OXR1: variants seen among roughly 807,000 people sequenced by gnomAD.
OXR1 encodes the protein oxidation resistance 1, also known as oxidation resistance protein 1.
A neutral mutation model predicts 104.6 loss-of-function variants in OXR1; 41 were observed. The ratio of observed to expected loss-of-function variants is 0.39; its 90% CI spans 0.31 to 0.51. The LOEUF (loss-of-function observed/expected upper bound fraction) is 0.51. Ranked by LOEUF, OXR1 falls within the 20% of genes least tolerant of loss-of-function variation. The pLI, the probability that OXR1 is intolerant of heterozygous loss-of-function variation, is 0.77. For missense variants in OXR1, 955 were observed against 1,031.9 expected, an observed-to-expected ratio of 0.93 and a Z score of 1.02; for synonymous variants, 348 against 348.4, an observed-to-expected ratio of 1.00 and a Z score of 0.01.
At chr8:106,491,970 C>T (rs1249365965) in intron 2 of OXR1, among the ~76,000 whole-genome samples, 3 of 152,260 alleles carry the variant, frequency 2.0e-5, no homozygotes, top group Admixed American at 1.3e-4. Flanking sequence ...TTTTATTGGA[C>T]ACACCAGAGG....
intron 2 of OXR1, among the ~76,000 whole-genome samples, chr8:106,437,588 G>C (rs76089251): frequency 6.6e-6 from 1 of 152,194 alleles, no homozygotes; most frequent in Non-Finnish European, 1.5e-5. Context: ...GTAAACAATG[G>C]AAAGAGGACA....
chr8:106,560,935 G>A (rs1445842205), intron 3 of OXR1, among the ~76,000 whole-genome samples: 1 of 152,174 alleles, frequency 6.6e-6, no homozygotes, highest in Non-Finnish European at 1.5e-5. Context: ...CTAGCCAAGG[G>A]AAGCTGTGAG....
intron 2 of OXR1, among the ~76,000 whole-genome samples, chr8:106,488,819 T>C (rs1810876840): frequency 1.3e-5 from 2 of 150,260 alleles, no homozygotes; most frequent in African/African-American, 2.5e-5. Flanking sequence ...CTGTTTTGGT[T>C]ACTGTAGCCT....
At chr8:106,460,101 G>C (rs1820821003) in intron 2 of OXR1, among the ~76,000 whole-genome samples, 1 of 152,156 alleles carries the variant, frequency 6.6e-6, no homozygotes, top group African/African-American at 2.4e-5. Flanking sequence ...TGACAAGGCA[G>C]GGATGGTCCT....
intron 2 of OXR1, among the ~76,000 whole-genome samples, chr8:106,452,651 T>G (rs544091722): frequency 6.6e-6 from 1 of 152,168 alleles, no homozygotes; most frequent in Non-Finnish European, 1.5e-5. Flanking sequence ...ACCAATTTAC[T>G]GTTCCTGGAA....
At chr8:106,429,766 T>C (rs1294412968) in intron 2 of OXR1, among the ~76,000 whole-genome samples, 1 of 152,166 alleles carries the variant, frequency 6.6e-6, no homozygotes, top group African/African-American at 2.4e-5. Context: ...TGTTATTTTT[T>C]TTTTCCTCTT....
At chr8:106,323,899 TA>T (rs1282624333) in intron 1 of OXR1, among the ~76,000 whole-genome samples, 3 of 152,156 alleles carry the variant, frequency 2.0e-5, no homozygotes, top group Non-Finnish European at 4.4e-5. Context: ...GGAACACTTA[TA>T]CACTGTTGGT....
intron 3 of OXR1, among the ~76,000 whole-genome samples, chr8:106,535,995 C>T (rs560574338): frequency 2.3e-4 from 35 of 152,062 alleles, no homozygotes; most frequent in Admixed American, 1.2e-3. Flanking sequence ...CCGAGGTGGG[C>T]GGATCACGAG....
chr8:106,626,676 T>C (rs1822199525), intron 3 of OXR1, among the ~76,000 whole-genome samples: 1 of 151,366 alleles, frequency 6.6e-6, no homozygotes, highest in African/African-American at 2.4e-5. Flanking sequence ...ATTTCACTTT[T>C]CTGCCAAGTC....
chr8:106,422,779 C>G (rs1330121306), intron 2 of OXR1, among the ~76,000 whole-genome samples: 1 of 152,142 alleles, frequency 6.6e-6, no homozygotes, highest in Non-Finnish European at 1.5e-5. Flanking sequence ...TGCCTAAGGT[C>G]ACAGTCAGTT....
At chr8:106,360,904 T>C (rs1816216470) in intron 2 of OXR1, among the ~76,000 whole-genome samples, 1 of 151,366 alleles carries the variant, frequency 6.6e-6, no homozygotes, top group South Asian at 2.1e-4. Context: ...GACAGGAGGG[T>C]TGGGGAAAGG....
chr8:106,400,474 G>C (rs1359179318), intron 2 of OXR1, among the ~76,000 whole-genome samples: 1 of 152,026 alleles, frequency 6.6e-6, no homozygotes, highest in African/African-American at 2.4e-5. Flanking sequence ...AAGATTCCCA[G>C]GATTTTCCAA....
At chr8:106,344,774 C>T (rs762538823) in intron 1 of OXR1, among the ~76,000 whole-genome samples, 1 of 152,214 alleles carries the variant, frequency 6.6e-6, no homozygotes, top group Admixed American at 6.5e-5. Context: ...GTGTAACACT[C>T]TTGTATTCCT....
chr8:106,519,282 TG>T, intron 3 of OXR1, 143 bp downstream of exon 3: 1 of 641,712 alleles, frequency 1.6e-6, no homozygotes. Context: ...TTTTCTTATG[TG>T]GTCTGAACAT....
chr8:106,440,982 A>C (rs943879479), intron 2 of OXR1, among the ~76,000 whole-genome samples: 1 of 152,128 alleles, frequency 6.6e-6, no homozygotes, highest in Admixed American at 6.6e-5. Context: ...TGGATTTATA[A>C]ACTTCTGTTT....
intron 2 of OXR1, among the ~76,000 whole-genome samples, chr8:106,482,547 A>G (rs544496758): frequency 1.1e-3 from 161 of 152,092 alleles, no homozygotes; most frequent in Non-Finnish European, 1.1e-3. Flanking sequence ...CTACTACTCA[A>G]GCTTGCACAC....
intron 3 of OXR1, among the ~76,000 whole-genome samples, chr8:106,566,112 A>G (rs1181901034): frequency 6.6e-6 from 1 of 152,220 alleles, no homozygotes; most frequent in Non-Finnish European, 1.5e-5. Context: ...ACAAAAGCCA[A>G]AACTGACAAA....
rs1290380164 is a variant in OXR1 at position 106,719,420 on chromosome 8, C to T, written c.1956+5435C>T. On this transcript the variant is annotated intron_variant, in intron 11 of 16. Transcript: ENST00000517566. Reference sequence around the variant, plus strand: ...TCATCAGCTTATTTCTTCTGTGTCCCTCCTTTTCTCCAATTGTTCATAGTT... The same window carrying T: ...TCATCAGCTTATTTCTTCTGTGTCCTTCCTTTTCTCCAATTGTTCATAGTT... 2.6e-5 allele frequency among the ~76,000 whole-genome samples: 4 copies of T among 152,290 alleles called. No individual in the cohort carries two copies. The South Asian group carries it at 6.2e-4, about 24-fold the overall frequency.
At chr8:106,544,713 A>G (rs2130356800) in intron 3 of OXR1, among the ~76,000 whole-genome samples, 1 of 152,330 alleles carries the variant, frequency 6.6e-6, no homozygotes, top group Non-Finnish European at 1.5e-5. Flanking sequence ...TAAAGATTAT[A>G]TGGTTGTGTT....
Sources: allele counts gnomAD v4.1 joint callset (sites outside exome capture counted in the v4.1 genomes callset), GRCh38; gene constraint gnomAD v4.1.1; transcripts MANE v1.5; gene names NCBI Gene and HGNC (gene_info 2026-07-23, HGNC 2026-07-21).